The following DNAH7 variants were observed in gnomAD, a reference collection of about 807,000 sequenced individuals.
The protein encoded by DNAH7 is axonemal beta dynein heavy chain 7.
In DNAH7, 397 loss-of-function variants were observed where a neutral mutation model predicts 444.6. The observed-to-expected ratio is 0.89, with a 90% CI of 0.82 to 0.97. The LOEUF (loss-of-function observed/expected upper bound fraction) is 0.97, where lower values mean the gene tolerates loss of function less well. DNAH7 is among the 50% of genes least tolerant of loss of function. DNAH7 has a pLI of 0.00. For missense variants in DNAH7, 4,902 were observed against 4,800.8 expected (o/e 1.02, Z -0.62); for synonymous variants, 1,636 against 1,624.4 (o/e 1.01, Z -0.17).
chr2:195,919,903 C>T (rs937817054), intron 24 of DNAH7, among the ~76,000 whole-genome samples: 1 of 152,054 alleles, frequency 6.6e-6, no homozygotes, highest in African/African-American at 2.4e-5. Flanking sequence ...TATGAGATAT[C>T]AAATGGAAGT....
chr2:195,998,865 T>A, intron 12 of DNAH7: 1 of 422,378 alleles, frequency 2.4e-6, no homozygotes, highest in Non-Finnish European at 4.2e-6. Context: ...GACTTTATCT[T>A]TTATAACGTA....
Position 195,808,410 on chromosome 2 carries a change from T to C in DNAH7, c.10083+272A>G, listed in dbSNP as rs144679433. On this transcript the variant is annotated intron_variant, in intron 53 of 64. Transcript: ENST00000312428. ...GCTATTAGGATTGCCAAAATCTACA[T>C]TGATAATGAATAAAAATCTGGCATG... Among the ~76,000 whole-genome samples, 379 of 152,314 alleles carry C rather than the reference T, an allele frequency of 2.5e-3. 2 individuals carry two copies. The highest frequency in any genetic ancestry group is 2.7e-3 in the Non-Finnish European group (185 of 68,016).
rs377174476 is a variant in DNAH7 at position 195,794,379 on chromosome 2, G to T, written c.10675C>A (p.Pro3559Thr). ...ANIIRSYLMD[P>T]ISDPEFFGSC... ...CCAAAGAACTCCGGATCAGAGATCGGGTCCATGAGGTATGATCGAATGATA... is the reference window on the plus strand; with the variant it reads ...CCAAAGAACTCCGGATCAGAGATCGTGTCCATGAGGTATGATCGAATGATA... The change falls in exon 57 of 65, where the codon CCG becomes ACG. Residue 3559 changes from proline to threonine, a missense_variant. Coordinates refer to ENST00000312428, the MANE Select transcript of DNAH7 (RefSeq NM_018897.3). 8 of 1,613,926 alleles carry T rather than the reference G, an allele frequency of 5.0e-6. No individual in the cohort carries two copies. The Admixed American group carries it at 1.3e-4, about 27-fold the overall frequency.
In DNAH7 at chr2:196,033,661, T is replaced by C. The variant is rs1696201628; in HGVS notation, c.399-5614A>G. The stretch of plus-strand genomic sequence containing the variant: ...GCTGAAGTGTATTCCATTGTGTATA[T>C]ATACCACATTTTTTTAATCCATTCA... On this transcript the variant is annotated intron_variant, in intron 5 of 64. Transcript: ENST00000312428. Among the ~76,000 whole-genome samples the C allele has an allele frequency of 2.0e-5, 3 of 152,192 alleles. No individual in the cohort carries two copies. In the South Asian group the frequency reaches 6.2e-4, roughly 32 times the overall value.
At chr2:195,900,895 A>T (rs1489401130) in intron 27 of DNAH7, 1 of 154,632 alleles carries the variant, frequency 6.5e-6, no homozygotes, top group Non-Finnish European at 1.4e-5. Context: ...CATGCATCAA[A>T]CTATCACTCT....
At chr2:195,928,963 C>G (rs775441056) in intron 21 of DNAH7, among the ~76,000 whole-genome samples, 1 of 151,988 alleles carries the variant, frequency 6.6e-6, no homozygotes, top group East Asian at 1.9e-4. Context: ...TGATTCTACA[C>G]CTAGAAAACC....
At chr2:195,942,024 C>T (rs936357251) in intron 19 of DNAH7, among the ~76,000 whole-genome samples, 2 of 151,966 alleles carry the variant, frequency 1.3e-5, no homozygotes, top group African/African-American at 4.8e-5. Context: ...GCTTGGGTGA[C>T]AACAGTGGAC....
chr2:196,027,910 A>C (rs1463105406), intron 6 of DNAH7, 50 bp downstream of exon 6: 6 of 1,538,748 alleles, frequency 3.9e-6, no homozygotes, highest in Non-Finnish European at 5.4e-6. Context: ...AATTATCTTC[A>C]AGTGTTTCTT....
At chr2:196,020,548 T>C (rs1026426741) in intron 8 of DNAH7, among the ~76,000 whole-genome samples, 1 of 152,000 alleles carries the variant, frequency 6.6e-6, no homozygotes, top group African/African-American at 2.4e-5. Flanking sequence ...CTAGAGGATA[T>C]GGAAAATGGG....
rs755912873 is a variant in DNAH7 at position 195,766,167 on chromosome 2, A to ATTTTTTTTTT, written c.11433+5483_11433+5492dup. 5.6e-3 allele frequency among the ~76,000 whole-genome samples: 320 copies of ATTTTTTTTTT among 57,328 alleles called. 55 individuals carry two copies. Among genetic ancestry groups the ATTTTTTTTTT allele is most frequent in the Middle Eastern group, 0.012 (1 of 84 alleles). 37.6% of individuals were successfully genotyped at this position (57,328 alleles called of 152,430 possible). On this transcript the variant is annotated intron_variant, in intron 61 of 64. Coordinates refer to ENST00000312428, the MANE Select transcript of DNAH7 (RefSeq NM_018897.3). ...GTTCTCGTTTAATTTGTGGGAGCTA[A>ATTTTTTTTTT]TTTTTTTTTTTTTTTTTTTTTTTTG...
chr2:195,746,591 T>G (rs1031672924), intron 63 of DNAH7, among the ~76,000 whole-genome samples: 1 of 152,178 alleles, frequency 6.6e-6, no homozygotes, highest in Non-Finnish European at 1.5e-5. Context: ...ACCACATAGT[T>G]GGAAGTAAAG....
intron 7 of DNAH7, among the ~76,000 whole-genome samples, chr2:196,025,443 C>G (rs1228792265): frequency 6.6e-6 from 1 of 152,086 alleles, no homozygotes; most frequent in Admixed American, 6.6e-5. Flanking sequence ...GCATATAAAG[C>G]CCTTCAGATT....
At chr2:195,995,560 GA>G in intron 12 of DNAH7, 1 of 298,978 alleles carries the variant, frequency 3.3e-6, no homozygotes. Context: ...GGGCATTTCC[GA>G]AACCAACCTG....
At chr2:196,058,639 T>G (rs1294995130) in intron 1 of DNAH7, among the ~76,000 whole-genome samples, 1 of 144,108 alleles carries the variant, frequency 6.9e-6, no homozygotes, top group African/African-American at 2.8e-5. Context: ...TTAACAAAAG[T>G]GTAAGACCTA....
intron 49 of DNAH7, among the ~76,000 whole-genome samples, chr2:195,822,155 T>A (rs759206716): frequency 6.6e-6 from 1 of 152,234 alleles, no homozygotes; most frequent in Non-Finnish European, 1.5e-5. Flanking sequence ...CTCTACTGCT[T>A]TGCCATTTAT....
intron 12 of DNAH7, among the ~76,000 whole-genome samples, chr2:195,990,127 G>A (rs2125644152): frequency 6.6e-6 from 1 of 152,138 alleles, no homozygotes; most frequent in South Asian, 2.1e-4. Context: ...TGTTTTTGAG[G>A]TCTTATCCAA....
chr2:195,916,995 G>A (rs1342465164), intron 24 of DNAH7, among the ~76,000 whole-genome samples: 2 of 151,456 alleles, frequency 1.3e-5, no homozygotes, highest in Non-Finnish European at 2.9e-5. Flanking sequence ...CCAGCTACTC[G>A]GGAGGCTGAG....
chr2:195,759,744 T>TG (rs35879203), intron 61 of DNAH7, among the ~76,000 whole-genome samples: 3 of 152,030 alleles, frequency 2.0e-5, no homozygotes, highest in Non-Finnish European at 2.9e-5. Context: ...CCCAGCTGCT[T>TG]GGGGGGCTGA....
chr2:195,847,991 T>C (rs1311606471), intron 46 of DNAH7, among the ~76,000 whole-genome samples: 1 of 152,082 alleles, frequency 6.6e-6, no homozygotes, highest in African/African-American at 2.4e-5. Flanking sequence ...CAAGTTGAGT[T>C]TACAGATAAA....
Sources: allele counts gnomAD v4.1 joint callset (sites outside exome capture counted in the v4.1 genomes callset), GRCh38; gene constraint gnomAD v4.1.1; transcripts MANE v1.5; gene names NCBI Gene and HGNC (gene_info 2026-07-23, HGNC 2026-07-21).